Variants in SIK2 observed in about 807,000 individuals in gnomAD.
SIK2 encodes the protein serine/threonine-protein kinase SIK2.
SIK2 carries 29 observed loss-of-function variants against 103.2 expected under a neutral mutation model. That is an observed-to-expected ratio of 0.28 (90% CI 0.21 to 0.38). SIK2 has a LOEUF of 0.38. Ranked by LOEUF, SIK2 falls within the 10% of genes least tolerant of loss-of-function variation. The pLI is 1.00. For missense variants in SIK2, 879 were observed against 1,171.0 expected, an observed-to-expected ratio of 0.75 and a Z score of 3.64; for synonymous variants, 412 against 446.1, an observed-to-expected ratio of 0.92 and a Z score of 0.96.
intron 3 of SIK2, among the ~76,000 whole-genome samples, chr11:111,636,281 T>A (rs1351480422): frequency 6.6e-6 from 1 of 152,234 alleles, no homozygotes; most frequent in East Asian, 1.9e-4. Context: ...TTATTTCTGT[T>A]GTATTTATTT....
rs750373614 is a variant in SIK2, at chr11:111,701,420, T to A, written c.604-32T>A. The A allele has an allele frequency of 6.2e-7, 1 of 1,602,388 alleles. No individual in the cohort carries two copies. The highest frequency in any genetic ancestry group is 2.2e-5 in the East Asian group (1 of 44,632). ...AACAAAGAGTGTTTGACGTTCTTGG[T>A]AGAAAAGTCTCTGCATTGTTTTCTT... On this transcript the variant is annotated intron_variant, in intron 5 of 14. Transcript: ENST00000304987. The surrounding 1 kb of genome is among the most constrained non-coding windows in gnomAD (Gnocchi z 4.2).
rs368400468 is a variant in SIK2 at position 111,625,915 on chromosome 11, A to G, written c.316+5513A>G. On this transcript the variant is annotated intron_variant, in intron 3 of 14. Coordinates refer to ENST00000304987, the MANE Select transcript of SIK2 (RefSeq NM_015191.3). ...GACTGTAGTTTTACAAGTAAAGTAG[A>G]AATAGCTGTTACATGTTAGGCATCA... Among the ~76,000 whole-genome samples the G allele has an allele frequency of 1.5e-4, 23 of 152,342 alleles. No individual in the cohort carries two copies. The East Asian group carries it at 3.1e-3, about 20-fold the overall frequency.
chr11:111,602,706 C>T lies in SIK2; in HGVS notation c.135+8C>T. On this transcript the variant is annotated splice_region_variant and intron_variant, in intron 1 of 14. Coordinates refer to ENST00000304987, the MANE Select transcript of SIK2 (RefSeq NM_015191.3). This position sits in a 1 kb window ranked among gnomAD's most constrained non-coding sequence, Gnocchi z 4.5. ...CGGATCACCAAGACGGAGGTGCGGCCCGGGGCTCGGCGGGAGCGTCCGAGG... is the reference window on the plus strand; with the variant it reads ...CGGATCACCAAGACGGAGGTGCGGCTCGGGGCTCGGCGGGAGCGTCCGAGG... 4 of 1,504,384 alleles carry T rather than the reference C, an allele frequency of 2.7e-6. No individual in the cohort carries two copies. Among genetic ancestry groups the T allele is most frequent in the Admixed American group, 2.2e-5 (1 of 45,988 alleles). 93.2% of individuals were successfully genotyped at this position (1,504,384 alleles called of 1,614,324 possible).
chr11:111,626,280 T>G (rs1941959585), intron 3 of SIK2, among the ~76,000 whole-genome samples: 1 of 152,184 alleles, frequency 6.6e-6, no homozygotes, highest in Non-Finnish European at 1.5e-5. Flanking sequence ...GGGAAGAAGC[T>G]GAATTTAAAG....
Position 111,701,481 on chromosome 11 carries a change from C to T in SIK2, c.633C>T (p.Val211=). 6.2e-7 allele frequency: 1 copy of T among 1,613,838 alleles called. No homozygotes were observed. Among genetic ancestry groups the T allele is most frequent in the Non-Finnish European group, 8.5e-7 (1 of 1,179,816 alleles). The change falls in exon 6 of 15, where the codon GTC becomes GTT. Residue 211 remains valine, a synonymous_variant. Coordinates refer to ENST00000304987, the MANE Select transcript of SIK2 (RefSeq NM_015191.3). This position sits in a 1 kb window ranked among gnomAD's most constrained non-coding sequence, Gnocchi z 4.2. The part of the protein sequence containing the change: ...WSMGVVLYVL[V]CGALPFDGPT... Reference sequence around the variant, plus strand: ...TGGGAGTTGTTCTTTATGTCCTTGTCTGTGGAGCTCTGCCCTTTGATGGAC... The same window carrying T: ...TGGGAGTTGTTCTTTATGTCCTTGTTTGTGGAGCTCTGCCCTTTGATGGAC...
chr11:111,704,339 G>A (rs1315920220), intron 7 of SIK2, among the ~76,000 whole-genome samples: 1 of 152,238 alleles, frequency 6.6e-6, no homozygotes, highest in Admixed American at 6.5e-5. Flanking sequence ...CAAAGGAGCA[G>A]TTGTTTCTCT....
chr11:111,704,385 G>T (rs911432913), intron 7 of SIK2, among the ~76,000 whole-genome samples: 6 of 152,212 alleles, frequency 3.9e-5, no homozygotes, highest in African/African-American at 1.2e-4. Context: ...GCAGGCTAGA[G>T]ATGTGAACAT....
At chr11:111,672,351 C>CA in intron 3 of SIK2, 3 of 528,196 alleles carry the variant, frequency 5.7e-6, no homozygotes, top group African/African-American at 3.9e-5. Context: ...TGCTGAAGGC[C>CA]AAGGGGCCAG....
chr11:111,720,942 C>A lies in SIK2; in HGVS notation c.1824C>A (p.Thr608=). 1 of 1,614,076 alleles carries A rather than the reference C, an allele frequency of 6.2e-7. No individual in the cohort carries two copies. Among genetic ancestry groups the A allele is most frequent in the South Asian group, 1.1e-5 (1 of 91,042 alleles). ...FRQHLQNLAR[T]KGILELNKVQ... is the part of the protein sequence containing the mutation. ...AACATCTTCAGAATCTGGCTAGAACCAAAGGAATTCTAGAGTTGAACAAAG... is the reference window on the plus strand; with the variant it reads ...AACATCTTCAGAATCTGGCTAGAACAAAAGGAATTCTAGAGTTGAACAAAG... The change falls in exon 12 of 15, where the codon ACC becomes ACA. Residue 608 remains threonine, a synonymous_variant. Coordinates refer to ENST00000304987, the MANE Select transcript of SIK2 (RefSeq NM_015191.3).
intron 3 of SIK2, among the ~76,000 whole-genome samples, chr11:111,628,416 ATCTTTCTTTCTTTCTTTCTTTC>A: frequency 8.0e-6 from 1 of 125,686 alleles, no homozygotes; most frequent in East Asian, 3.0e-4. Context: ...CCGCTTTCAT[ATCTTTCTTTCTTTCTTTCTTTC>A]TTTCTTTCTT....
intron 3 of SIK2, among the ~76,000 whole-genome samples, chr11:111,687,097 CAAAT>C (rs1463674783): frequency 6.6e-6 from 1 of 151,946 alleles, no homozygotes; most frequent in African/African-American, 2.4e-5. Flanking sequence ...AGCTTTTCAA[CAAAT>C]AGAGAGAGTA....
At chr11:111,638,495 A>C (rs1450256785) in intron 3 of SIK2, among the ~76,000 whole-genome samples, 1 of 152,172 alleles carries the variant, frequency 6.6e-6, no homozygotes, top group Non-Finnish European at 1.5e-5. Flanking sequence ...TCTACTATGT[A>C]AATTATATTG....
rs751534643 is a variant in SIK2 at position 111,703,352 on chromosome 11, A to T, written c.877A>T (p.Ile293Phe). The change falls in exon 7 of 15, where the codon ATC becomes TTC. Residue 293 changes from isoleucine to phenylalanine, a missense_variant. Physicochemically the swap from Ile to Phe is conservative, Grantham distance 21. This residue lies in a region of SIK2 where 99 missense variants were observed against 153.9 expected (regional missense o/e 0.64). Transcript: ENST00000304987. ...ACAAGAGCAAGAAAATGAGCCATCCATCGGGGAGTTTAATGAGCAGGTTCT... is the reference window on the plus strand; with the variant it reads ...ACAAGAGCAAGAAAATGAGCCATCCTTCGGGGAGTTTAATGAGCAGGTTCT... ...YPQEQENEPS[I>F]GEFNEQVLRL... 1 of 1,614,178 alleles carries T rather than the reference A, an allele frequency of 6.2e-7. No homozygotes were observed. Among genetic ancestry groups the T allele is most frequent in the Non-Finnish European group, 8.5e-7 (1 of 1,179,998 alleles).
chr11:111,630,077 C>G (rs1327792784), intron 3 of SIK2, among the ~76,000 whole-genome samples: 1 of 152,096 alleles, frequency 6.6e-6, no homozygotes, highest in African/African-American at 2.4e-5. Context: ...ACCCAAATGT[C>G]CATCAGTGGG....
At chr11:111,604,759 C>T (rs761134434) in intron 1 of SIK2, among the ~76,000 whole-genome samples, 3 of 152,088 alleles carry the variant, frequency 2.0e-5, no homozygotes, top group Non-Finnish European at 2.9e-5. Flanking sequence ...TCCGCAGAAC[C>T]CATTTCCCTG....
chr11:111,627,436 G>A (rs1056720071), intron 3 of SIK2, among the ~76,000 whole-genome samples: 1 of 151,962 alleles, frequency 6.6e-6, no homozygotes, highest in Non-Finnish European at 1.5e-5. Context: ...CTCTTACTGT[G>A]CCTAATTTAC....
rs566125569 is a variant in SIK2, at chr11:111,728,841, G to C, written c.*4712G>C. 3.3e-5 allele frequency: 5 copies of C among 151,446 alleles called. No individual in the cohort carries two copies. Among genetic ancestry groups the C allele is most frequent in the African/African-American group, 1.2e-4 (5 of 41,198 alleles). The allele number at this position is 151,446 out of a possible 1,614,324, so 9.4% of individuals were successfully genotyped here. ...CGGGAGGCTGAGGCAGGAGAATGGC[G>C]TGAACCCGGGAGGTGGAGCTTGCAG... On this transcript the variant is annotated 3_prime_UTR_variant, in exon 15 of 15. Coordinates refer to ENST00000304987, the MANE Select transcript of SIK2 (RefSeq NM_015191.3).
intron 3 of SIK2, among the ~76,000 whole-genome samples, chr11:111,646,518 C>T (rs373513292): frequency 6.6e-6 from 1 of 152,072 alleles, no homozygotes; most frequent in Non-Finnish European, 1.5e-5. Context: ...ACCCATGAAG[C>T]CATCACCACA....
rs143375948 is a variant in SIK2 at position 111,602,683 on chromosome 11, G to T, written c.120G>T (p.Arg40=). Residue 40 remains arginine, a synonymous_variant, in exon 1 of 15, where the codon CGG becomes CGT. Transcript: ENST00000304987. This position sits in a 1 kb window ranked among gnomAD's most constrained non-coding sequence, Gnocchi z 4.5. ...CTGTGGTGAAGCTGGGGCGGCACCGGATCACCAAGACGGAGGTGCGGCCCG... is the reference window on the plus strand; with the variant it reads ...CTGTGGTGAAGCTGGGGCGGCACCGTATCACCAAGACGGAGGTGCGGCCCG... The part of the protein sequence containing the change: ...NFAVVKLGRH[R]ITKTEVAIKI... The T allele has an allele frequency of 6.6e-7, 1 of 1,522,998 alleles. No individual in the cohort carries two copies. Among genetic ancestry groups the T allele is most frequent in the Admixed American group, 2.1e-5 (1 of 48,486 alleles). The allele number at this position is 1,522,998 out of a possible 1,614,324, so 94.3% of individuals were successfully genotyped here. A position where few individuals can be genotyped will look rare whatever the true frequency, so the allele number is the denominator to read the frequency against.
Sources: allele counts gnomAD v4.1 joint callset (sites outside exome capture counted in the v4.1 genomes callset), GRCh38; gene constraint gnomAD v4.1.1; regional missense constraint gnomAD v4.1.1; non-coding constraint Gnocchi (gnomAD v3.1); transcripts MANE v1.5; gene names NCBI Gene and HGNC (gene_info 2026-07-23, HGNC 2026-07-21).